SEC24B: variants seen among roughly 807,000 people sequenced by gnomAD.
SEC24B encodes the protein protein transport protein Sec24B.
A neutral mutation model predicts 142.8 loss-of-function variants in SEC24B; 45 were observed. That is an observed-to-expected ratio of 0.32 (90% confidence interval 0.25 to 0.40). SEC24B has a LOEUF of 0.40. Ranked by LOEUF, SEC24B falls within the 10% of genes least tolerant of loss-of-function variation. The pLI, the probability that SEC24B is intolerant of heterozygous loss-of-function variation, is 1.00. For synonymous variants in SEC24B, 574 were observed against 568.2 expected (o/e 1.01, Z -0.15); for missense variants, 1,409 against 1,526.8 (o/e 0.92, Z 1.29).
At chr4:109,472,174 C>A (rs1237275918) in intron 2 of SEC24B, among the ~76,000 whole-genome samples, 1 of 152,188 alleles carries the variant, frequency 6.6e-6, no homozygotes, top group African/African-American at 2.4e-5. Flanking sequence ...TACACACACA[C>A]TATACATAGA....
At chr4:109,505,140 T>G (rs1275306585) in intron 6 of SEC24B, among the ~76,000 whole-genome samples, 1 of 152,056 alleles carries the variant, frequency 6.6e-6, no homozygotes, top group Non-Finnish European at 1.5e-5. Context: ...TATTGTAATG[T>G]TTTTTGACAT....
At chr4:109,487,362 A>C (rs1393129706) in intron 4 of SEC24B, among the ~76,000 whole-genome samples, 1 of 152,138 alleles carries the variant, frequency 6.6e-6, no homozygotes, top group Admixed American at 6.6e-5. Flanking sequence ...AGAAGAAAAA[A>C]ATGTAGTATT....
intron 2 of SEC24B, among the ~76,000 whole-genome samples, chr4:109,466,418 G>C (rs1040150887): frequency 4.6e-5 from 7 of 152,078 alleles, no homozygotes; most frequent in African/African-American, 1.7e-4. Flanking sequence ...GTTTTGTTTT[G>C]TTTTGTTTTT....
At chr4:109,484,349 C>T (rs1734125759) in intron 4 of SEC24B, among the ~76,000 whole-genome samples, 1 of 152,190 alleles carries the variant, frequency 6.6e-6, no homozygotes, top group Non-Finnish European at 1.5e-5. Context: ...GTTCTCAGTG[C>T]ATCCTATTTG....
chr4:109,504,480 G>C (rs1157223219), intron 6 of SEC24B, among the ~76,000 whole-genome samples: 1 of 151,850 alleles, frequency 6.6e-6, no homozygotes, highest in Non-Finnish European at 1.5e-5. Context: ...CCCTCATTCT[G>C]AATTTAGCTG....
chr4:109,438,196 G>T (rs895176275), intron 1 of SEC24B, among the ~76,000 whole-genome samples: 2 of 152,206 alleles, frequency 1.3e-5, no homozygotes, highest in Non-Finnish European at 2.9e-5. Context: ...TATAATAAGA[G>T]CCTAGAACAG....
intron 2 of SEC24B, among the ~76,000 whole-genome samples, chr4:109,469,045 G>A (rs536499694): frequency 5.5e-4 from 84 of 152,184 alleles, no homozygotes; most frequent in African/African-American, 1.9e-3. Context: ...TAATTGCAGC[G>A]CTTTGGGAGG....
At chr4:109,525,266 A>C (rs1451518005) in intron 15 of SEC24B, 80 bp from the exon 16 acceptor site, 8 of 1,188,916 alleles carry the variant, frequency 6.7e-6, no homozygotes, top group Non-Finnish European at 9.1e-6. Flanking sequence ...ATTTCTTCAT[A>C]ATGTAGAATC....
intron 17 of SEC24B, 88 bp from the exon 18 acceptor site, chr4:109,527,234 A>G: frequency 1.1e-6 from 1 of 942,814 alleles, no homozygotes; most frequent in Non-Finnish European, 1.6e-6. Context: ...AAAAAAAAAG[A>G]AAGAAAGAAA....
Position 109,433,831 on chromosome 4 carries a change from C to A in SEC24B, c.-39C>A. The A allele has an allele frequency of 8.0e-7, 1 of 1,255,124 alleles. No homozygotes were observed. 77.7% of individuals were successfully genotyped at this position (1,255,124 alleles called of 1,614,324 possible). A position where few individuals can be genotyped will look rare whatever the true frequency, so the allele number is the denominator to read the frequency against. ...CCCCGCCTTCCCTTCCCTCCGCCCA[C>A]CTCCCTGAAGCGGAGCCGCCGTCGC... On this transcript the variant is annotated 5_prime_UTR_variant, in exon 1 of 24. Coordinates refer to ENST00000265175, the MANE Select transcript of SEC24B (RefSeq NM_006323.5).
chr4:109,445,140 G>C (rs1006254713), intron 1 of SEC24B, among the ~76,000 whole-genome samples: 1 of 151,892 alleles, frequency 6.6e-6, no homozygotes, highest in Non-Finnish European at 1.5e-5. Flanking sequence ...GTCCAGGCTG[G>C]TCTTGAACTC....
At chr4:109,456,331 TTTG>T (rs1450026951) in intron 1 of SEC24B, among the ~76,000 whole-genome samples, 2 of 142,108 alleles carry the variant, frequency 1.4e-5, no homozygotes, top group Admixed American at 7.2e-5. Flanking sequence ...ACAGGTTTTT[TTTG>T]TTTTTTTTTT....
intron 5 of SEC24B, 90 bp downstream of exon 5, chr4:109,491,497 C>G: frequency 1.1e-6 from 1 of 919,232 alleles, no homozygotes; most frequent in South Asian, 1.6e-5. Context: ...CACATAATAG[C>G]AGGCTATATT....
chr4:109,537,908 A>C (rs1377520772), intron 22 of SEC24B, among the ~76,000 whole-genome samples: 1 of 152,184 alleles, frequency 6.6e-6, no homozygotes, highest in Non-Finnish European at 1.5e-5. Context: ...TTTGCTATTT[A>C]ATTTACAGTT....
intron 1 of SEC24B, among the ~76,000 whole-genome samples, chr4:109,456,649 G>A (rs1445942737): frequency 6.6e-6 from 1 of 152,128 alleles, no homozygotes; most frequent in Non-Finnish European, 1.5e-5. Context: ...ATCTATTGAT[G>A]TGATTATGTG....
intron 1 of SEC24B, among the ~76,000 whole-genome samples, chr4:109,447,344 AAG>A (rs869164540): frequency 4.2e-5 from 3 of 71,166 alleles, no homozygotes; most frequent in Admixed American, 2.2e-4. Flanking sequence ...ATTAAAAAAA[AAG>A]TTTCAAAAAA....
At chr4:109,478,307 A>T (rs1239375060) in intron 3 of SEC24B, among the ~76,000 whole-genome samples, 1 of 151,614 alleles carries the variant, frequency 6.6e-6, no homozygotes, top group African/African-American at 2.4e-5. Flanking sequence ...AAAAATTAAT[A>T]AAATAAAATA....
chr4:109,528,337 A>T lies in SEC24B; in HGVS notation c.3076+905A>T, dbSNP rs949599741. Reference sequence around the variant, plus strand: ...ACTACTTGGGAGGTTGAGGCAGGAAAATCCTTTGAACCCAGGAGGCAGAGG... The same window carrying T: ...ACTACTTGGGAGGTTGAGGCAGGAATATCCTTTGAACCCAGGAGGCAGAGG... On this transcript the variant is annotated intron_variant, in intron 18 of 23. Coordinates refer to ENST00000265175, the MANE Select transcript of SEC24B (RefSeq NM_006323.5). Among the ~76,000 whole-genome samples the T allele has an allele frequency of 1.4e-4, 21 of 152,078 alleles. No homozygotes were observed. In the South Asian group the frequency reaches 1.5e-3, roughly 11 times the overall value.
rs1008705097 is a variant in SEC24B, at chr4:109,539,754, G to A, written c.*79G>A. ...TGTCAGAGAAGCGCGTGAGAAATTTGAAATGAAGGCATTTGTTAATACAAG... is the reference window on the plus strand; with the variant it reads ...TGTCAGAGAAGCGCGTGAGAAATTTAAAATGAAGGCATTTGTTAATACAAG... On this transcript the variant is annotated 3_prime_UTR_variant, in exon 24 of 24. Coordinates refer to ENST00000265175, the MANE Select transcript of SEC24B (RefSeq NM_006323.5). The A allele has an allele frequency of 2.3e-5, 21 of 913,526 alleles. No homozygotes were observed. In the Admixed American group the frequency reaches 4.4e-4, roughly 19 times the overall value. 56.6% of individuals were successfully genotyped at this position (913,526 alleles called of 1,614,324 possible). A position where few individuals can be genotyped will look rare whatever the true frequency, so the allele number is the denominator to read the frequency against.
Sources: gnomAD v4.1 joint callset for allele counts (sites outside exome capture counted in the v4.1 genomes callset) on GRCh38, gnomAD v4.1.1 for gene constraint, MANE v1.5 for transcripts, NCBI Gene and HGNC (gene_info 2026-07-23, HGNC 2026-07-21) for gene names.